Variants in SRL observed in about 807,000 individuals in gnomAD.
SRL encodes sarcalumenin.
In SRL, 23 loss-of-function variants were observed where a neutral mutation model predicts 39.5. That is an observed-to-expected ratio of 0.58 (90% confidence interval 0.42 to 0.82). The LOEUF is 0.82. SRL is among the 40% of genes least tolerant of loss of function. The probability of loss-of-function intolerance (pLI) is 0.00; values close to 1 mark genes in which losing one functional copy is unlikely to be tolerated. For synonymous variants in SRL, 272 were observed against 237.4 expected, an observed-to-expected ratio of 1.15 and a Z score of -1.34; for missense variants, 592 against 607.8, an observed-to-expected ratio of 0.97 and a Z score of 0.27.
At chr16:4,229,379 G>A (rs888664117) in intron 1 of SRL, among the ~76,000 whole-genome samples, 9 of 152,194 alleles carry the variant, frequency 5.9e-5, no homozygotes, top group African/African-American at 2.2e-4. Flanking sequence ...GAACCCAGGA[G>A]GCGGAGCTTG....
At position 4,192,012 on chromosome 16, in the gene SRL, C is replaced by T. The variant is rs774359326; in HGVS notation, c.*141G>A. The T allele has an allele frequency of 6.7e-5, 62 of 924,304 alleles. No homozygotes were observed. Among genetic ancestry groups the T allele is most frequent in the Non-Finnish European group, 9.4e-5 (57 of 606,872 alleles). The allele number at this position is 924,304 out of a possible 1,614,324, so 57.3% of individuals were successfully genotyped here. On this transcript the variant is annotated 3_prime_UTR_variant, in exon 6 of 6. Transcript: ENST00000399609. This position sits in a 1 kb window ranked among gnomAD's most constrained non-coding sequence, Gnocchi z 4.0. ...CCTAGACCCACACACCTGCCCCGACCCCTGGCCTCAATGAACTCCCAACTC... is the reference window on the plus strand; with the variant it reads ...CCTAGACCCACACACCTGCCCCGACTCCTGGCCTCAATGAACTCCCAACTC...
chr16:4,208,561 C>T (rs78673975), intron 1 of SRL, among the ~76,000 whole-genome samples: 1,757 of 152,314 alleles, frequency 0.012, 40 homozygotes, highest in African/African-American at 0.041. Context: ...GCTTGTGCAT[C>T]CCACCTCATG....
chr16:4,197,838 G>C lies in SRL; in HGVS notation c.337C>G (p.Leu113Val). ...TAGCGAGTATTTTCCAGCCCAAGGA[G>C]GTAGTTTATCATGGTAGATTTACCA... is the stretch of plus-strand genomic sequence containing the variant. ...SVGKSTMINY[L>V]LGLENTRYQL... Residue 113 changes from leucine to valine, a missense_variant, in exon 4 of 6, where the codon CTC becomes GTC. Coordinates refer to ENST00000399609, the MANE Select transcript of SRL (RefSeq NM_001098814.2). The C allele has an allele frequency of 6.2e-7, 1 of 1,613,868 alleles. No homozygotes were observed. The highest frequency in any genetic ancestry group is 8.5e-7 in the Non-Finnish European group (1 of 1,179,738).
rs540979889 is a variant in SRL at position 4,192,063 on chromosome 16, T to C, written c.*90A>G. 2.5e-4 allele frequency: 338 copies of C among 1,361,552 alleles called. No homozygotes were observed. Among genetic ancestry groups the C allele is most frequent in the Middle Eastern group, 4.8e-4 (2 of 4,126 alleles). The allele number at this position is 1,361,552 out of a possible 1,614,324, so 84.3% of individuals were successfully genotyped here. A position where few individuals can be genotyped will look rare whatever the true frequency, so the allele number is the denominator to read the frequency against. On this transcript the variant is annotated 3_prime_UTR_variant, in exon 6 of 6. Transcript: ENST00000399609. The surrounding 1 kb of genome is among the most constrained non-coding windows in gnomAD (Gnocchi z 4.0). Reference sequence around the variant, plus strand: ...TCCACTGTGTAATAATTCCTGCCAGTGTGGCTCAAAGGGTTAATAAACCAG... The same window carrying C: ...TCCACTGTGTAATAATTCCTGCCAGCGTGGCTCAAAGGGTTAATAAACCAG...
At chr16:4,217,436 A>G (rs1410075729) in intron 1 of SRL, among the ~76,000 whole-genome samples, 1 of 151,912 alleles carries the variant, frequency 6.6e-6, no homozygotes, top group Admixed American at 6.6e-5. Flanking sequence ...ATTTTTTGTA[A>G]AGACAGGGTC....
Position 4,192,645 on chromosome 16 carries a change from T to A in SRL, c.930A>T (p.Glu310Asp), listed in dbSNP as rs1253339103. The change falls in exon 6 of 6, where the codon GAA (glutamate) becomes GAT (aspartate). Residue 310 changes from glutamate to aspartate, a missense_variant. Transcript: ENST00000399609. The surrounding 1 kb of genome is among the most constrained non-coding windows in gnomAD (Gnocchi z 4.0). ...PDTHQELFLQ[E>D]EISLLEDLNQ... ...TCAGGTCTTCTAGGAGGGAGATCTC[T>A]TCTTGGAGGAACAGTTCCTGATGGG... 1 of 1,614,012 alleles carries A rather than the reference T, an allele frequency of 6.2e-7. No individual in the cohort carries two copies. The highest frequency in any genetic ancestry group is 2.2e-5 in the East Asian group (1 of 44,892).
rs886991923 is a variant in SRL, at chr16:4,206,624, C to T, written c.62-1990G>A. On this transcript the variant is annotated intron_variant, in intron 1 of 5. Coordinates refer to ENST00000399609, the MANE Select transcript of SRL (RefSeq NM_001098814.2). ...CCGGGACTGTGAAAAGGGCCTGCCA[C>T]CCTCTGCCACCTTCTGTCCCTGCCT... 85 of 450,666 alleles carry T rather than the reference C, an allele frequency of 1.9e-4. No individual in the cohort carries two copies. In the Middle Eastern group the frequency reaches 3.2e-3, roughly 17 times the overall value. 27.9% of individuals were successfully genotyped at this position (450,666 alleles called of 1,614,324 possible).
intron 3 of SRL, among the ~76,000 whole-genome samples, chr16:4,199,872 T>G (rs1453405909): frequency 6.6e-6 from 1 of 151,710 alleles, no homozygotes; most frequent in East Asian, 1.9e-4. Flanking sequence ...AATTTTTGTA[T>G]TTTTAGTAGA....
intron 1 of SRL, among the ~76,000 whole-genome samples, chr16:4,228,562 C>T (rs561607666): frequency 3.7e-4 from 56 of 151,934 alleles, no homozygotes; most frequent in South Asian, 1.2e-3. Context: ...GGTGAAACCC[C>T]GTCTCTACTA....
rs535391256 is a variant in SRL, at chr16:4,207,145, A to G, written c.62-2511T>C. The G allele has an allele frequency of 6.4e-5, 29 of 456,510 alleles. 1 individual carries two copies. Among genetic ancestry groups the G allele is most frequent in the South Asian group, 4.5e-4 (29 of 64,562 alleles). 28.3% of individuals were successfully genotyped at this position (456,510 alleles called of 1,614,324 possible). On this transcript the variant is annotated intron_variant, in intron 1 of 5. Transcript: ENST00000399609. ...TCGGAGGCGCCCTCTGCTTCTTCTG[A>G]GCTAGCCCCATCGCCGCTGTCCTCT...
chr16:4,218,420 T>C lies in SRL; in HGVS notation c.62-13786A>G, dbSNP rs548814903. On this transcript the variant is annotated intron_variant, in intron 1 of 5. Coordinates refer to ENST00000399609, the MANE Select transcript of SRL (RefSeq NM_001098814.2). The stretch of plus-strand genomic sequence containing the variant: ...GTGCTGTGTGGCTTCCTCATCCTCA[T>C]GGTAAGTGAGCACTGGGAGTAAGAC... Among the ~76,000 whole-genome samples the C allele has an allele frequency of 5.9e-5, 9 of 152,108 alleles. No homozygotes were observed. In the East Asian group the frequency reaches 9.7e-4, roughly 16 times the overall value.
chr16:4,226,392 AGATGAATGGATGGATGGGATGGATG>A (rs977891080), intron 1 of SRL, among the ~76,000 whole-genome samples: 3 of 151,348 alleles, frequency 2.0e-5, no homozygotes, highest in Admixed American at 2.0e-4. Context: ...ATGGATGAAC[AGATGAATGGATGGATGGGATGGATG>A]GATGAATGGA....
intron 1 of SRL, among the ~76,000 whole-genome samples, chr16:4,220,278 AAC>A (rs71394664): frequency 2.2e-3 from 309 of 140,766 alleles, no homozygotes; most frequent in African/African-American, 4.7e-3. Flanking sequence ...TCTCTACTAA[AAC>A]ACACACACAC....
intron 4 of SRL, among the ~76,000 whole-genome samples, chr16:4,196,573 C>T (rs577984474): frequency 5.6e-4 from 85 of 151,356 alleles, no homozygotes; most frequent in African/African-American, 1.9e-3. Flanking sequence ...CCTCCGCCCC[C>T]GGGTTCAAGC....
intron 3 of SRL, among the ~76,000 whole-genome samples, chr16:4,199,714 T>TTTG (rs2052198912): frequency 6.8e-6 from 1 of 147,608 alleles, no homozygotes; most frequent in African/African-American, 2.5e-5. Context: ...TTTTTTTTTT[T>TTTG]GAGACAGAGT....
rs1369893340 is a variant in SRL, at chr16:4,225,190, C to A, written c.61+16817G>T. ...GTTCTAAAATTGACTGTGTTGATGG[C>A]TGCATATATCTGTGAATATACTAAA... is the stretch of plus-strand genomic sequence containing the variant. On this transcript the variant is annotated intron_variant, in intron 1 of 5. Transcript: ENST00000399609. Among the ~76,000 whole-genome samples, 3 of 152,218 alleles carry A rather than the reference C, an allele frequency of 2.0e-5. No homozygotes were observed. In the East Asian group the frequency reaches 5.8e-4, roughly 29 times the overall value.
Position 4,190,951 on chromosome 16 carries a change from C to T in SRL, c.*1202G>A, listed in dbSNP as rs17794471. 1,181 of 153,798 alleles carry T rather than the reference C, an allele frequency of 7.7e-3. 8 individuals carry two copies. The highest frequency in any genetic ancestry group is 0.03 in the Middle Eastern group (9 of 300). The allele number at this position is 153,798 out of a possible 1,614,324, so 9.5% of individuals were successfully genotyped here. ...CCTCCTCTGAAATTTGAGAGACTGGCGGCCTAAGGAAAAGGAGCAAGGTCT... is the reference window on the plus strand; with the variant it reads ...CCTCCTCTGAAATTTGAGAGACTGGTGGCCTAAGGAAAAGGAGCAAGGTCT... On this transcript the variant is annotated 3_prime_UTR_variant, in exon 6 of 6. Coordinates refer to ENST00000399609, the MANE Select transcript of SRL (RefSeq NM_001098814.2).
intron 1 of SRL, among the ~76,000 whole-genome samples, chr16:4,218,605 A>G (rs7186614): frequency 0.14 from 21,244 of 152,158 alleles, 2,717 homozygotes; most frequent in African/African-American, 0.34. Context: ...GAAGAGCCTC[A>G]CACACAGGCC....
At chr16:4,237,496 C>T (rs2052725538) in intron 1 of SRL, among the ~76,000 whole-genome samples, 1 of 152,154 alleles carries the variant, frequency 6.6e-6, no homozygotes. Context: ...CTCCCCCTCC[C>T]TACTCTTCCT....
Sources: gnomAD v4.1 joint callset for allele counts (sites outside exome capture counted in the v4.1 genomes callset) on GRCh38, gnomAD v4.1.1 for gene constraint, Gnocchi (gnomAD v3.1) non-coding constraint, MANE v1.5 for transcripts, NCBI Gene and HGNC (gene_info 2026-07-23, HGNC 2026-07-21) for gene names.